Variants in KCNK10 observed in about 807,000 individuals in gnomAD.
The protein encoded by KCNK10 is potassium two pore domain channel subfamily K member 10.
Under a neutral mutation model 47.7 loss-of-function variants are expected in KCNK10, and 25 were observed. The observed-to-expected ratio is 0.52, with a 90% CI of 0.38 to 0.73. KCNK10 has a LOEUF of 0.73. Among genes scored for constraint, KCNK10 ranks in the 30% least tolerant of loss-of-function variants. KCNK10 has a pLI of 0.00. For missense variants in KCNK10, 563 were observed against 714.5 expected (o/e 0.79, Z 2.42); for synonymous variants, 303 against 285.6 (o/e 1.06, Z -0.61).
At position 88,185,773 on chromosome 14, in the gene KCNK10, T is replaced by A; in HGVS notation, c.1394A>T (p.Asp465Val). ...TSRLTKRKNK[D>V]LKKTLPEDVQ... is the part of the protein sequence containing the mutation. ...GTCCTCGGGCAAGGTCTTTTTGAGG[T>A]CCTTGTTTTTCCTCTTGGTGAGTCT... Residue 465 changes from aspartate (D) to valine (V), a missense_variant, in exon 7 of 7, where the codon GAC becomes GTC. Coordinates refer to ENST00000319231, the MANE Select transcript of KCNK10 (RefSeq NM_138317.3). The surrounding 1 kb of genome is among the most constrained non-coding windows in gnomAD (Gnocchi z 4.3). 5 of 1,614,108 alleles carry A rather than the reference T, an allele frequency of 3.1e-6. No individual in the cohort carries two copies. The highest frequency in any genetic ancestry group is 4.2e-6 in the Non-Finnish European group (5 of 1,180,030).
In KCNK10 at chr14:88,321,507, G is replaced by A. The variant is rs528729107; in HGVS notation, c.52+1240C>T. ...TTAGGACAGTGTTTAGCATGTAATA[G>A]GTATTTAACAAATATGCTTTTCAGG... is the stretch of plus-strand genomic sequence containing the variant. On this transcript the variant is annotated intron_variant, in intron 1 of 6. Coordinates refer to ENST00000319231, the MANE Select transcript of KCNK10 (RefSeq NM_138317.3). Among the ~76,000 whole-genome samples, 237 of 152,206 alleles carry A rather than the reference G, an allele frequency of 1.6e-3. 1 individual carries two copies. Among genetic ancestry groups the A allele is most frequent in the African/African-American group, 5.1e-3 (211 of 41,522 alleles).
rs192712338 is a variant in KCNK10 at position 88,306,464 on chromosome 14, G to A, written c.52+16283C>T. 2.2e-3 allele frequency among the ~76,000 whole-genome samples: 340 copies of A among 152,274 alleles called. 1 individual carries two copies. The highest frequency in any genetic ancestry group is 3.6e-3 in the Non-Finnish European group (244 of 68,024). Reference sequence around the variant, plus strand: ...AACAGAGCAGGACAAAAGTAATTTTGGGGAAATGTGGGGGAAGATTTGTAC... The same window carrying A: ...AACAGAGCAGGACAAAAGTAATTTTAGGGAAATGTGGGGGAAGATTTGTAC... On this transcript the variant is annotated intron_variant, in intron 1 of 6. Transcript: ENST00000319231.
chr14:88,199,535 GT>G (rs1406353060), intron 4 of KCNK10, among the ~76,000 whole-genome samples: 1 of 152,172 alleles, frequency 6.6e-6, no homozygotes, highest in Non-Finnish European at 1.5e-5. Context: ...GGGGAGAGCA[GT>G]GTTAGGGTTC....
rs572078407 is a variant in KCNK10, at chr14:88,222,562, C to A, written c.681+4813G>T. ...CTATGGACTCTAGGTGATAATGATG[C>A]ATCAATGTAGGTTCATAAATTGTAA... On this transcript the variant is annotated intron_variant, in intron 4 of 6. Transcript: ENST00000319231. Among the ~76,000 whole-genome samples, 7 of 152,204 alleles carry A rather than the reference C, an allele frequency of 4.6e-5. No individual in the cohort carries two copies. The East Asian group carries it at 1.3e-3, about 29-fold the overall frequency.
chr14:88,213,292 A>C (rs1305050269), intron 4 of KCNK10, among the ~76,000 whole-genome samples: 1 of 152,230 alleles, frequency 6.6e-6, no homozygotes, highest in Non-Finnish European at 1.5e-5. Context: ...AAAAAGAAAA[A>C]AAAAATTACG....
intron 1 of KCNK10, among the ~76,000 whole-genome samples, chr14:88,309,310 G>C (rs1456752264): frequency 1.3e-5 from 2 of 152,166 alleles, no homozygotes; most frequent in Non-Finnish European, 2.9e-5. Flanking sequence ...ATAGCAAAAA[G>C]GCTCAAGCAG....
intron 1 of KCNK10, among the ~76,000 whole-genome samples, chr14:88,311,033 G>A (rs1026218997): frequency 2.0e-5 from 3 of 152,052 alleles, no homozygotes; most frequent in Non-Finnish European, 2.9e-5. Flanking sequence ...AAATGCAATC[G>A]CCATTGCTTT....
chr14:88,323,453 C>T (rs1320933159), upstream of KCNK10, among the ~76,000 whole-genome samples: 1 of 149,176 alleles, frequency 6.7e-6, no homozygotes, highest in African/African-American at 2.4e-5. Flanking sequence ...CCAGACGCCG[C>T]GCCCCGGCAA....
intron 1 of KCNK10, among the ~76,000 whole-genome samples, chr14:88,287,869 G>A (rs1193097383): frequency 6.6e-6 from 1 of 152,142 alleles, no homozygotes. Flanking sequence ...TATGCACCCA[G>A]GAGTGGGATT....
At chr14:88,214,674 G>T (rs951346934) in intron 4 of KCNK10, among the ~76,000 whole-genome samples, 2 of 152,122 alleles carry the variant, frequency 1.3e-5, no homozygotes, top group Admixed American at 6.5e-5. Flanking sequence ...AGAACACAAA[G>T]AAAGAGATAT....
intron 2 of KCNK10, among the ~76,000 whole-genome samples, chr14:88,262,755 C>A (rs903964389): frequency 3.3e-5 from 5 of 152,326 alleles, no homozygotes; most frequent in Middle Eastern, 3.4e-3. Flanking sequence ...ACAGCCTCTT[C>A]ACCCACATAC....
At chr14:88,234,347 G>A (rs527450848) in intron 3 of KCNK10, among the ~76,000 whole-genome samples, 1 of 152,318 alleles carries the variant, frequency 6.6e-6, no homozygotes, top group South Asian at 2.1e-4. Flanking sequence ...CATATAATTA[G>A]ATTAAGAGTG....
chr14:88,206,304 G>C (rs1885273937), intron 4 of KCNK10, among the ~76,000 whole-genome samples: 1 of 152,140 alleles, frequency 6.6e-6, no homozygotes, highest in Non-Finnish European at 1.5e-5. Flanking sequence ...CATGTACTGG[G>C]AGGAGGTCAA....
At position 88,181,848 on chromosome 14, in the gene KCNK10, A is replaced by G. The variant is rs934167470; in HGVS notation, c.*3687T>C. On this transcript the variant is annotated 3_prime_UTR_variant, in exon 7 of 7. Coordinates refer to ENST00000319231, the MANE Select transcript of KCNK10 (RefSeq NM_138317.3). ...GGACTAGGGAGTGTTTCATTAGAGAACTGCACAACTACAATGGCCCTTGAC... is the reference window on the plus strand; with the variant it reads ...GGACTAGGGAGTGTTTCATTAGAGAGCTGCACAACTACAATGGCCCTTGAC... 1 of 152,282 alleles carries G rather than the reference A, an allele frequency of 6.6e-6. No homozygotes were observed. Among genetic ancestry groups the G allele is most frequent in the African/African-American group, 2.4e-5 (1 of 41,430 alleles). 9.4% of individuals were successfully genotyped at this position (152,282 alleles called of 1,614,324 possible).
rs543104696 is a variant in KCNK10, at chr14:88,248,299, C to T, written c.403-7479G>A. On this transcript the variant is annotated intron_variant, in intron 2 of 6. Transcript: ENST00000319231. Reference sequence around the variant, plus strand: ...TTCCTTCCATTGCCATTGCATTGAACAGAGCCTGAAATTTAATATTTAGAT... The same window carrying T: ...TTCCTTCCATTGCCATTGCATTGAATAGAGCCTGAAATTTAATATTTAGAT... Among the ~76,000 whole-genome samples, 5 of 152,284 alleles carry T rather than the reference C, an allele frequency of 3.3e-5. No homozygotes were observed. In the South Asian group the frequency reaches 1.0e-3, roughly 32 times the overall value.
intron 3 of KCNK10, among the ~76,000 whole-genome samples, chr14:88,232,593 T>A (rs1331085596): frequency 6.6e-6 from 1 of 152,244 alleles, no homozygotes; most frequent in African/African-American, 2.4e-5. Context: ...ACTCTGGAGT[T>A]AAAATTTAGC....
intron 1 of KCNK10, among the ~76,000 whole-genome samples, chr14:88,269,420 T>C (rs1887349604): frequency 6.6e-6 from 1 of 152,172 alleles, no homozygotes; most frequent in Non-Finnish European, 1.5e-5. Context: ...ATCTTACACG[T>C]GCATGAAGCT....
At chr14:88,203,718 CCCCT>C (rs1339789728) in intron 4 of KCNK10, among the ~76,000 whole-genome samples, 3 of 152,156 alleles carry the variant, frequency 2.0e-5, no homozygotes, top group Admixed American at 2.0e-4. Context: ...AGTAGCACTC[CCCCT>C]TCTGAGGCAG....
chr14:88,281,836 G>A (rs1887658669), intron 1 of KCNK10, among the ~76,000 whole-genome samples: 1 of 151,074 alleles, frequency 6.6e-6, no homozygotes, highest in African/African-American at 2.4e-5. Flanking sequence ...ACATTTGTGT[G>A]TGTGTGTGTG....
Sources: allele counts gnomAD v4.1 joint callset (sites outside exome capture counted in the v4.1 genomes callset), GRCh38; gene constraint gnomAD v4.1.1; non-coding constraint Gnocchi (gnomAD v3.1); transcripts MANE v1.5; gene names NCBI Gene and HGNC (gene_info 2026-07-23, HGNC 2026-07-21).